NFATC2: variants seen among roughly 807,000 people sequenced by gnomAD.
NFATC2 encodes the protein nuclear factor of activated T cells 2, also known as nuclear factor of activated T-cells, cytoplasmic 2.
A neutral mutation model predicts 87.3 loss-of-function variants in NFATC2; 22 were observed. The ratio of observed to expected loss-of-function variants is 0.25; its 90% CI spans 0.18 to 0.36. The LOEUF (loss-of-function observed/expected upper bound fraction) is 0.36, where lower values mean the gene tolerates loss of function less well. Ranked by LOEUF, NFATC2 falls within the 10% of genes least tolerant of loss-of-function variation. The pLI, the probability that NFATC2 is intolerant of heterozygous loss-of-function variation, is 1.00. For synonymous variants in NFATC2, 565 were observed against 542.2 expected (o/e 1.04, Z -0.58); for missense variants, 1,149 against 1,259.1 (o/e 0.91, Z 1.32).
intron 9 of NFATC2, among the ~76,000 whole-genome samples, chr20:51,417,431 C>T (rs933596171): frequency 3.9e-5 from 6 of 152,170 alleles, no homozygotes; most frequent in African/African-American, 1.4e-4. Context: ...CTGTCCTCCA[C>T]ACAAACCACG....
chr20:51,426,971 A>T (rs1008879239), intron 9 of NFATC2, among the ~76,000 whole-genome samples: 1 of 152,188 alleles, frequency 6.6e-6, no homozygotes, highest in African/African-American at 2.4e-5. Context: ...CCCTCCCTGC[A>T]CACATCAATA....
intron 3 of NFATC2, among the ~76,000 whole-genome samples, chr20:51,477,571 A>G (rs1217968429): frequency 2.2e-5 from 2 of 89,468 alleles, no homozygotes; most frequent in Non-Finnish European, 4.9e-5. Flanking sequence ...ATATATATAT[A>G]TATATATATA....
rs766403006 is a variant in NFATC2 at position 51,523,197 on chromosome 20, G to A, written c.1044C>T (p.Ala348=). ...KAGLPRHIYP[A]VEFLGPCEQG... is the part of the protein sequence containing the mutation. ...GCTCGCAGGGCCCCAGGAACTCCAC[G>A]GCCGGGTAGATGTGGCGAGGCAGGC... The change falls in exon 2 of 11, where the codon GCC becomes GCT. Residue 348 remains alanine, a synonymous_variant. Transcript: ENST00000371564. The surrounding 1 kb of genome is among the most constrained non-coding windows in gnomAD (Gnocchi z 6.9). The A allele has an allele frequency of 7.4e-6, 12 of 1,614,028 alleles. No homozygotes were observed. The highest frequency in any genetic ancestry group is 6.6e-5 in the South Asian group (6 of 91,076).
At chr20:51,398,823 G>C in intron 9 of NFATC2, 93 bp from the exon 10 acceptor site, 1 of 859,012 alleles carries the variant, frequency 1.2e-6, no homozygotes, top group South Asian at 1.4e-5. Flanking sequence ...TATCATCCAA[G>C]CCCAGGAGGG....
intron 9 of NFATC2, among the ~76,000 whole-genome samples, chr20:51,425,566 A>G (rs1431457053): frequency 6.6e-6 from 1 of 152,224 alleles, no homozygotes; most frequent in Non-Finnish European, 1.5e-5. Flanking sequence ...GGCTCACGGC[A>G]GGGCTCTGCG....
Position 51,542,477 on chromosome 20 carries a change from G to A in NFATC2, c.23C>T (p.Pro8Leu), listed in dbSNP as rs1453788714. 1.3e-6 allele frequency: 2 copies of A among 1,559,304 alleles called. No homozygotes were observed. Among genetic ancestry groups the A allele is most frequent in the East Asian group, 2.6e-5 (1 of 38,984 alleles). ...TGGGGCGTCCCCGCCGTCGGGTTGG[G>A]GCTGCCGCTCGGGGGCGTTCATGGC... MNAPERQ[P>L]QPDGGDAPGH... Residue 8 changes from proline to leucine, a missense_variant, in exon 1 of 11, where the codon CCC (proline) becomes CTC (leucine). Around this residue, in one of 3 missense-constraint regions of NFATC2, gnomAD observed 563 missense variants for 585.2 expected, o/e 0.96. Transcript: ENST00000371564.
intron 2 of NFATC2, among the ~76,000 whole-genome samples, chr20:51,519,419 T>C (rs7263508): frequency 0.075 from 11,140 of 149,086 alleles, 623 homozygotes; most frequent in African/African-American, 0.16. Context: ...TCAAGACCAG[T>C]CTGGCCAACA....
chr20:51,534,781 C>T (rs970679274), intron 1 of NFATC2, among the ~76,000 whole-genome samples: 4 of 152,152 alleles, frequency 2.6e-5, no homozygotes, highest in Non-Finnish European at 4.4e-5. Context: ...AGCCAGACAC[C>T]CTCGCCCAGG....
chr20:51,446,438 T>C (rs1176025549), intron 6 of NFATC2, among the ~76,000 whole-genome samples: 3 of 152,128 alleles, frequency 2.0e-5, no homozygotes, highest in African/African-American at 7.2e-5. Context: ...CCAAGGTACA[T>C]AGTGTGAGGC....
intron 5 of NFATC2, among the ~76,000 whole-genome samples, chr20:51,473,372 G>A (rs1015045186): frequency 1.1e-4 from 16 of 152,212 alleles, no homozygotes; most frequent in Middle Eastern, 6.8e-3. Context: ...GTGGGGGACA[G>A]GGCATGCCTC....
At chr20:51,411,663 G>T (rs989617183) in intron 9 of NFATC2, among the ~76,000 whole-genome samples, 1 of 151,846 alleles carries the variant, frequency 6.6e-6, no homozygotes, top group Non-Finnish European at 1.5e-5. Flanking sequence ...GAGTAGCTGG[G>T]ATTACAGGCG....
chr20:51,400,583 G>A (rs1987918283), intron 9 of NFATC2, among the ~76,000 whole-genome samples: 1 of 152,186 alleles, frequency 6.6e-6, no homozygotes, highest in African/African-American at 2.4e-5. Context: ...AGCATTCGGA[G>A]GTGCAGCTTC....
chr20:51,479,389 G>C (rs1334797362), intron 3 of NFATC2, among the ~76,000 whole-genome samples: 3 of 152,154 alleles, frequency 2.0e-5, no homozygotes, highest in Non-Finnish European at 2.9e-5. Context: ...AGGCCAAGGT[G>C]GGTAGATCTC....
chr20:51,526,840 A>G (rs1481272156), intron 1 of NFATC2, among the ~76,000 whole-genome samples: 1 of 151,448 alleles, frequency 6.6e-6, no homozygotes, highest in African/African-American at 2.4e-5. Context: ...CTGTGCATCT[A>G]CCCTCGCCTG....
intron 2 of NFATC2, 57 bp from the exon 3 acceptor site, chr20:51,517,012 T>A: frequency 2.0e-6 from 3 of 1,527,662 alleles, no homozygotes; most frequent in South Asian, 2.4e-5. Context: ...AGTCAACTTG[T>A]ACAATAATTG....
chr20:51,424,905 G>A (rs976784321), intron 9 of NFATC2, among the ~76,000 whole-genome samples: 5 of 151,500 alleles, frequency 3.3e-5, no homozygotes, highest in South Asian at 2.1e-4. Context: ...TTGCTTCCAC[G>A]GGGGTAAAAA....
rs576557900 is a variant in NFATC2 at position 51,541,675 on chromosome 20, C to T, written c.130+695G>A. ...CATTAGGACTAAGCGTAGAAGATCA[C>T]TTAATATAGCTCAGACCAATCCTCT... is the stretch of plus-strand genomic sequence containing the variant. On this transcript the variant is annotated intron_variant, in intron 1 of 10. Coordinates refer to ENST00000371564, the MANE Select transcript of NFATC2 (RefSeq NM_012340.5). Among the ~76,000 whole-genome samples, 10 of 152,328 alleles carry T rather than the reference C, an allele frequency of 6.6e-5. No homozygotes were observed. The South Asian group carries it at 1.9e-3, about 28-fold the overall frequency.
At chr20:51,474,967 A>ATTTTT (rs201111632) in intron 4 of NFATC2, among the ~76,000 whole-genome samples, 1 of 141,412 alleles carries the variant, frequency 7.1e-6, no homozygotes, top group African/African-American at 2.7e-5. Context: ...ATTATACTTT[A>ATTTTT]TTTATTTTTT....
rs1482362507 is a variant in NFATC2, at chr20:51,524,237, C to G, written c.131-127G>C. 1.0e-5 allele frequency: 9 copies of G among 873,426 alleles called. No individual in the cohort carries two copies. Among genetic ancestry groups the G allele is most frequent in the Non-Finnish European group, 1.4e-5 (9 of 640,942 alleles). 54.1% of individuals were successfully genotyped at this position (873,426 alleles called of 1,614,324 possible). On this transcript the variant is annotated intron_variant, in intron 1 of 10. Transcript: ENST00000371564. The surrounding 1 kb of genome is among the most constrained non-coding windows in gnomAD (Gnocchi z 4.0). Reference sequence around the variant, plus strand: ...TTTCAAATTCCCACCATGCCAAACCCCAAGCTAGAAGCTCCGTCCCTCACC... The same window carrying G: ...TTTCAAATTCCCACCATGCCAAACCGCAAGCTAGAAGCTCCGTCCCTCACC...
Sources: allele counts gnomAD v4.1 joint callset (sites outside exome capture counted in the v4.1 genomes callset), GRCh38; gene constraint gnomAD v4.1.1; regional missense constraint gnomAD v4.1.1; non-coding constraint Gnocchi (gnomAD v3.1); transcripts MANE v1.5; gene names NCBI Gene and HGNC (gene_info 2026-07-23, HGNC 2026-07-21).